Variants in IMMP2L observed in about 807,000 individuals in gnomAD.
IMMP2L encodes mitochondrial inner membrane protease subunit 2.
IMMP2L carries 18 observed loss-of-function variants against 19.3 expected under a neutral mutation model. The observed-to-expected ratio is 0.93, with a 90% CI of 0.64 to 1.38. The LOEUF is 1.38. IMMP2L is among the 40% of genes most tolerant of loss of function. The probability of loss-of-function intolerance (pLI) is 0.00; values close to 1 mark genes in which losing one functional copy is unlikely to be tolerated. For synonymous variants in IMMP2L, 76 were observed against 73.0 expected, an observed-to-expected ratio of 1.04 and a Z score of -0.21; for missense variants, 233 against 218.2, an observed-to-expected ratio of 1.07 and a Z score of -0.43.
intron 5 of IMMP2L, among the ~76,000 whole-genome samples, chr7:110,754,541 T>A (rs947264026): frequency 6.6e-6 from 1 of 152,084 alleles, no homozygotes; most frequent in African/African-American, 2.4e-5. Context: ...AGAAATAGTT[T>A]ATAGAAAATG....
At chr7:111,503,659 G>A (rs535672189) in intron 2 of IMMP2L, among the ~76,000 whole-genome samples, 3 of 152,142 alleles carry the variant, frequency 2.0e-5, no homozygotes, top group Non-Finnish European at 4.4e-5. Context: ...TGAAAGGCTA[G>A]TTCAACATAC....
At chr7:111,522,926 C>CATATATATATATATATATGTAT in intron 1 of IMMP2L, among the ~76,000 whole-genome samples, 1 of 134,948 alleles carries the variant, frequency 7.4e-6, no homozygotes, top group African/African-American at 3.1e-5. Context: ...ATGTGAGATA[C>CATATATATATATATATATGTAT]ATATATATAT....
chr7:110,734,957 T>A (rs1159996715), intron 5 of IMMP2L, among the ~76,000 whole-genome samples: 1 of 152,226 alleles, frequency 6.6e-6, no homozygotes. Context: ...TAAGCAGAAC[T>A]ATGTACAGAC....
chr7:111,025,917 C>G (rs1389447147), intron 3 of IMMP2L, among the ~76,000 whole-genome samples: 1 of 152,032 alleles, frequency 6.6e-6, no homozygotes, highest in South Asian at 2.1e-4. Context: ...GAAGTTTGAG[C>G]AGTCCATGAT....
At chr7:111,061,390 G>A (rs1293784528) in intron 3 of IMMP2L, among the ~76,000 whole-genome samples, 2 of 152,204 alleles carry the variant, frequency 1.3e-5, no homozygotes, top group Non-Finnish European at 2.9e-5. Flanking sequence ...GGGCAAGGAG[G>A]ATTCATTTTC....
intron 3 of IMMP2L, among the ~76,000 whole-genome samples, chr7:111,334,727 A>G (rs1490153689): frequency 6.6e-6 from 1 of 152,072 alleles, no homozygotes; most frequent in Non-Finnish European, 1.5e-5. Flanking sequence ...CAGGGAATTT[A>G]GCTCCCTAGA....
chr7:110,726,311 G>A (rs1443699494), intron 5 of IMMP2L, among the ~76,000 whole-genome samples: 2 of 152,124 alleles, frequency 1.3e-5, no homozygotes, highest in Admixed American at 6.5e-5. Flanking sequence ...CCCACCATAT[G>A]GCTCCAATTC....
chr7:111,048,254 A>AAAAAAG (rs1792629046), intron 3 of IMMP2L, among the ~76,000 whole-genome samples: 2 of 120,692 alleles, frequency 1.7e-5, no homozygotes, highest in Non-Finnish European at 3.4e-5. Context: ...AAAAAAAAAA[A>AAAAAAG]AAAAAAAAAA....
At chr7:111,093,797 T>G (rs1797115193) in intron 3 of IMMP2L, among the ~76,000 whole-genome samples, 1 of 152,170 alleles carries the variant, frequency 6.6e-6, no homozygotes, top group Non-Finnish European at 1.5e-5. Flanking sequence ...CTGGAAGATT[T>G]ACCCATAGTC....
chr7:111,021,409 C>T (rs961301364), intron 3 of IMMP2L, among the ~76,000 whole-genome samples: 5 of 152,172 alleles, frequency 3.3e-5, no homozygotes, highest in South Asian at 2.1e-4. Context: ...TCTGTTCTCA[C>T]GCTGCTAATA....
intron 3 of IMMP2L, among the ~76,000 whole-genome samples, chr7:111,120,394 T>C (rs1800446650): frequency 6.6e-6 from 1 of 152,054 alleles, no homozygotes; most frequent in Non-Finnish European, 1.5e-5. Context: ...ACATTTCCCC[T>C]ATAAAAACAT....
At chr7:110,820,907 A>G (rs755456265) in intron 5 of IMMP2L, among the ~76,000 whole-genome samples, 2 of 152,014 alleles carry the variant, frequency 1.3e-5, no homozygotes, top group African/African-American at 4.8e-5. Context: ...TAAAACCAAT[A>G]TGATTATCTC....
chr7:111,374,417 T>C (rs1034049610), intron 3 of IMMP2L, among the ~76,000 whole-genome samples: 2 of 152,056 alleles, frequency 1.3e-5, no homozygotes, highest in African/African-American at 4.8e-5. Flanking sequence ...AACTTAGTGA[T>C]GAGAAGCTAG....
intron 2 of IMMP2L, among the ~76,000 whole-genome samples, chr7:111,490,751 T>C (rs1183193763): frequency 1.3e-5 from 2 of 152,148 alleles, no homozygotes; most frequent in Non-Finnish European, 2.9e-5. Context: ...ATAATAACTA[T>C]TATCTAATTA....
chr7:111,023,361 C>A (rs1478948430), intron 3 of IMMP2L, among the ~76,000 whole-genome samples: 2 of 152,086 alleles, frequency 1.3e-5, no homozygotes, highest in Non-Finnish European at 2.9e-5. Context: ...AACAAATCAT[C>A]TAGACTAGCG....
chr7:111,459,103 C>A (rs1222697945), intron 3 of IMMP2L, among the ~76,000 whole-genome samples: 1 of 152,120 alleles, frequency 6.6e-6, no homozygotes, highest in Non-Finnish European at 1.5e-5. Flanking sequence ...CTAATACAAA[C>A]TGATGAGTTC....
At chr7:110,876,234 T>C (rs183723409) in intron 5 of IMMP2L, among the ~76,000 whole-genome samples, 3 of 152,294 alleles carry the variant, frequency 2.0e-5, no homozygotes, top group Admixed American at 6.5e-5. Flanking sequence ...TGTTTCCTTC[T>C]TTTAGCCTCT....
At chr7:110,847,282 A>T (rs1400243208) in intron 5 of IMMP2L, among the ~76,000 whole-genome samples, 2 of 152,178 alleles carry the variant, frequency 1.3e-5, no homozygotes, top group African/African-American at 4.8e-5. Context: ...TAAGATGTAC[A>T]ACATGGATAA....
intron 4 of IMMP2L, among the ~76,000 whole-genome samples, chr7:110,940,137 T>G (rs761531015): frequency 1.3e-5 from 2 of 151,840 alleles, no homozygotes; most frequent in Non-Finnish European, 2.9e-5. Flanking sequence ...GCCAACATAG[T>G]GAAACCCCGT....
Sources: allele counts gnomAD v4.1 joint callset (sites outside exome capture counted in the v4.1 genomes callset), GRCh38; gene constraint gnomAD v4.1.1; transcripts MANE v1.5; gene names NCBI Gene and HGNC (gene_info 2026-07-23, HGNC 2026-07-21).